Variants in MMP20 observed in about 807,000 individuals in gnomAD.
MMP20 encodes the protein matrix metalloproteinase-20.
A neutral mutation model predicts 51.8 loss-of-function variants in MMP20; 50 were observed. That is an observed-to-expected ratio of 0.97 (90% CI 0.77 to 1.22). The LOEUF (loss-of-function observed/expected upper bound fraction) is 1.22, where lower values mean the gene tolerates loss of function less well. Among genes scored for constraint, MMP20 ranks in the 50% most tolerant of loss-of-function variants. MMP20 has a pLI of 0.00. For missense variants in MMP20, 663 were observed against 601.4 expected, an observed-to-expected ratio of 1.10 and a Z score of -1.07; for synonymous variants, 244 against 216.2, an observed-to-expected ratio of 1.13 and a Z score of -1.13.
intron 3 of MMP20, among the ~76,000 whole-genome samples, chr11:102,610,404 A>G (rs1859583260): frequency 6.6e-6 from 1 of 152,056 alleles, no homozygotes; most frequent in South Asian, 2.1e-4. Context: ...AGCAAAACCT[A>G]CCCCACTGAT....
chr11:102,581,335 C>T (rs1331055012), intron 8 of MMP20, among the ~76,000 whole-genome samples: 1 of 152,110 alleles, frequency 6.6e-6, no homozygotes, highest in African/African-American at 2.4e-5. Flanking sequence ...TTCTAAGTCA[C>T]TAAGGAGTTT....
chr11:102,586,741 C>G (rs968664339), intron 8 of MMP20, among the ~76,000 whole-genome samples: 1 of 151,796 alleles, frequency 6.6e-6, no homozygotes, highest in Non-Finnish European at 1.5e-5. Flanking sequence ...GGTGTGAACC[C>G]GGGAGGCGGA....
At chr11:102,589,191 A>C (rs1859287002) in intron 8 of MMP20, among the ~76,000 whole-genome samples, 1 of 152,114 alleles carries the variant, frequency 6.6e-6, no homozygotes, top group Non-Finnish European at 1.5e-5. Flanking sequence ...CCATGCTCAC[A>C]TGCTATTTTG....
intron 2 of MMP20, among the ~76,000 whole-genome samples, chr11:102,612,810 C>T (rs1859620194): frequency 6.8e-6 from 1 of 146,336 alleles, no homozygotes; most frequent in Non-Finnish European, 1.5e-5. Context: ...GATCTCTGCT[C>T]ACTGCAACCA....
intron 8 of MMP20, among the ~76,000 whole-genome samples, chr11:102,585,063 A>G (rs1859239358): frequency 1.3e-5 from 2 of 152,106 alleles, no homozygotes; most frequent in South Asian, 4.1e-4. Flanking sequence ...TGAATCCTCC[A>G]ACTTTGTTCT....
rs1591612755 is a variant in MMP20 at position 102,594,469 on chromosome 11, A to G, written c.1090+152T>C. On this transcript the variant is annotated intron_variant, in intron 7 of 9. Coordinates refer to ENST00000260228, the MANE Select transcript of MMP20 (RefSeq NM_004771.4). Reference sequence around the variant, plus strand: ...TGTTACACAATGTCGGGTATAACAAATGTAGGGTGGCATTTCATACCCAAC... The same window carrying G: ...TGTTACACAATGTCGGGTATAACAAGTGTAGGGTGGCATTTCATACCCAAC... 3 of 950,918 alleles carry G rather than the reference A, an allele frequency of 3.2e-6. No individual in the cohort carries two copies. The East Asian group carries it at 7.9e-5, about 25-fold the overall frequency. The allele number at this position is 950,918 out of a possible 1,614,324, so 58.9% of individuals were successfully genotyped here.
rs145483028 is a variant in MMP20 at position 102,622,497 on chromosome 11, C to T, written c.126+2697G>A. 2.6e-3 allele frequency among the ~76,000 whole-genome samples: 391 copies of T among 152,314 alleles called. 1 individual carries two copies. Among genetic ancestry groups the T allele is most frequent in the African/African-American group, 9.0e-3 (373 of 41,568 alleles). On this transcript the variant is annotated intron_variant, in intron 1 of 9. Coordinates refer to ENST00000260228, the MANE Select transcript of MMP20 (RefSeq NM_004771.4). Reference sequence around the variant, plus strand: ...TCTCCAGGTCTTCACGTGACTGGCTCTTTCATGCAGCTCAGGTTCATCTCA... The same window carrying T: ...TCTCCAGGTCTTCACGTGACTGGCTTTTTCATGCAGCTCAGGTTCATCTCA...
chr11:102,589,236 C>T (rs1484324401), intron 8 of MMP20, among the ~76,000 whole-genome samples: 2 of 152,190 alleles, frequency 1.3e-5, no homozygotes, highest in Admixed American at 6.5e-5. Context: ...GCTTTCTCTG[C>T]CTGGAAGCCA....
chr11:102,576,973 C>T lies in MMP20; in HGVS notation c.*353G>A, dbSNP rs566830767. The stretch of plus-strand genomic sequence containing the variant: ...ATGACATTTCCTATGAAAAGAATTA[C>T]AATATATGTCATGGAATCCACCACT... On this transcript the variant is annotated 3_prime_UTR_variant, in exon 10 of 10. Coordinates refer to ENST00000260228, the MANE Select transcript of MMP20 (RefSeq NM_004771.4). The T allele has an allele frequency of 8.5e-5, 21 of 246,868 alleles. No individual in the cohort carries two copies. The highest frequency in any genetic ancestry group is 4.5e-4 in the African/African-American group (20 of 44,632). 15.3% of individuals were successfully genotyped at this position (246,868 alleles called of 1,614,324 possible).
At chr11:102,614,001 G>A (rs1364993125) in intron 2 of MMP20, among the ~76,000 whole-genome samples, 2 of 152,228 alleles carry the variant, frequency 1.3e-5, no homozygotes, top group African/African-American at 4.8e-5. Flanking sequence ...CATGGAAAAA[G>A]GGATCCCCGA....
intron 6 of MMP20, among the ~76,000 whole-genome samples, chr11:102,598,147 T>C (rs1859404658): frequency 6.6e-6 from 1 of 152,146 alleles, no homozygotes; most frequent in South Asian, 2.1e-4. Flanking sequence ...CTTGTGGCAA[T>C]AAAACAGTAA....
intron 6 of MMP20, among the ~76,000 whole-genome samples, chr11:102,602,798 T>G (rs1284643755): frequency 1.3e-5 from 2 of 152,214 alleles, no homozygotes; most frequent in Non-Finnish European, 2.9e-5. Flanking sequence ...GTGTGTGATA[T>G]TCTTGATTTT....
rs796378193 is a variant in MMP20, at chr11:102,606,636, A to C, written c.852T>G (p.His284Gln). Reference protein sequence around the residue: ...KVFLGKPTLPHAPHHKPSIPD... With the variant: ...KVFLGKPTLPQAPHHKPSIPD... ...GGATGGATGGCTTGTGATGGGGGGC[A>C]TGGGGCAGAGTGGGCTTCCCCAGGA... is the stretch of plus-strand genomic sequence containing the variant. Residue 284 changes from histidine (H) to glutamine (Q), a missense_variant, in exon 6 of 10, where the codon CAT (histidine) becomes CAG (glutamine). His to Gln is a conservative substitution (Grantham distance 24). Transcript: ENST00000260228. The C allele has an allele frequency of 7.4e-6, 12 of 1,613,944 alleles. No individual in the cohort carries two copies. The African/African-American group carries it at 1.5e-4, about 20-fold the overall frequency.
intron 7 of MMP20, among the ~76,000 whole-genome samples, chr11:102,594,214 T>C (rs1591612673): frequency 1.3e-5 from 2 of 152,220 alleles, no homozygotes; most frequent in Admixed American, 6.5e-5. Context: ...CGTCCTCCTC[T>C]CCTGGCTGCT....
Position 102,609,991 on chromosome 11 carries a change from G to C in MMP20, c.563C>G (p.Thr188Ser). Residue 188 changes from threonine to serine, a missense_variant, in exon 4 of 10, where the codon ACT becomes AGT. Thr to Ser is a moderately conservative substitution (Grantham distance 58). Coordinates refer to ENST00000260228, the MANE Select transcript of MMP20 (RefSeq NM_004771.4). Reference protein sequence around the residue: ...DSYPFDGPRGTLAHAFAPGEG... With the variant: ...DSYPFDGPRGSLAHAFAPGEG... ...TCCAGGAGCAAATGCATGGGCTAGAGTCCCCCGAGGCCCATCGAATGGATA... is the reference window on the plus strand; with the variant it reads ...TCCAGGAGCAAATGCATGGGCTAGACTCCCCCGAGGCCCATCGAATGGATA... 1 of 1,614,182 alleles carries C rather than the reference G, an allele frequency of 6.2e-7. No individual in the cohort carries two copies. Among genetic ancestry groups the C allele is most frequent in the Non-Finnish European group, 8.5e-7 (1 of 1,180,030 alleles).
At chr11:102,604,042 T>A (rs891078136) in intron 6 of MMP20, among the ~76,000 whole-genome samples, 32 of 151,900 alleles carry the variant, frequency 2.1e-4, no homozygotes, top group Admixed American at 1.1e-3. Context: ...TGCTTTTTTT[T>A]AAGAAAACAA....
chr11:102,612,619 G>A (rs1255675694), intron 2 of MMP20, among the ~76,000 whole-genome samples: 1 of 151,798 alleles, frequency 6.6e-6, no homozygotes, highest in African/African-American at 2.4e-5. Flanking sequence ...GAAATGTGGA[G>A]TTTTGAAGTT....
At chr11:102,590,250 A>C (rs1483630857) in intron 8 of MMP20, among the ~76,000 whole-genome samples, 1 of 152,212 alleles carries the variant, frequency 6.6e-6, no homozygotes, top group Non-Finnish European at 1.5e-5. Context: ...TGGAACCATT[A>C]GGGCCTGCTA....
intron 9 of MMP20, 47 bp from the exon 10 acceptor site, chr11:102,577,473 A>T: frequency 7.9e-7 from 1 of 1,270,558 alleles, no homozygotes; most frequent in South Asian, 1.2e-5. Flanking sequence ...TGTCCAGCAC[A>T]TATATAAATG....
Sources: allele counts gnomAD v4.1 joint callset (sites outside exome capture counted in the v4.1 genomes callset), GRCh38; gene constraint gnomAD v4.1.1; transcripts MANE v1.5; gene names NCBI Gene and HGNC (gene_info 2026-07-23, HGNC 2026-07-21).